The following ZNF34 variants were observed in gnomAD, a reference collection of about 807,000 sequenced individuals.
ZNF34 encodes zinc finger protein 34 (KOX 32).
Under a neutral mutation model 14.4 loss-of-function variants are expected in ZNF34, and 8 were observed. The ratio of observed to expected loss-of-function variants is 0.55; its 90% confidence interval spans 0.33 to 1.00. ZNF34 has a LOEUF of 1.00. Among genes scored for constraint, ZNF34 ranks in the 50% least tolerant of loss-of-function variants. The probability of loss-of-function intolerance (pLI) is 0.03; values close to 1 mark genes in which losing one functional copy is unlikely to be tolerated. For synonymous variants in ZNF34, 235 were observed against 247.9 expected (o/e 0.95, Z 0.49); for missense variants, 538 against 674.2 (o/e 0.80, Z 2.24).
At position 144,778,500 on chromosome 8, in the gene ZNF34, G is replaced by A. The variant is rs1167466109; in HGVS notation, c.-29C>T. On this transcript the variant is annotated 5_prime_UTR_variant, in exon 3 of 6. Transcript: ENST00000429371. ...CTGAGGGTTGGGCTTTCTGAGGGCA[G>A]TGAGCAGGAGCTGGTCACTGAGGAG... The A allele has an allele frequency of 1.9e-6, 3 of 1,587,578 alleles. No homozygotes were observed. The highest frequency in any genetic ancestry group is 2.3e-5 in the South Asian group (2 of 86,590).
At chr8:144,784,288 A>C (rs1826089375) in intron 1 of ZNF34, among the ~76,000 whole-genome samples, 1 of 152,030 alleles carries the variant, frequency 6.6e-6, no homozygotes, top group South Asian at 2.1e-4. Flanking sequence ...TATAGGAAAA[A>C]AGATAATGGA....
At chr8:144,782,999 TAAA>T (rs149988063) in intron 1 of ZNF34, among the ~76,000 whole-genome samples, 1 of 148,896 alleles carries the variant, frequency 6.7e-6, no homozygotes, top group African/African-American at 2.5e-5. Flanking sequence ...TTAAATAGAT[TAAA>T]AAAAAAGAGC....
chr8:144,785,326 C>G (rs377450631), intron 1 of ZNF34: 1 of 152,134 alleles, frequency 6.6e-6, no homozygotes, highest in African/African-American at 2.4e-5. Context: ...CCCAGCTACT[C>G]AGAAGGCTGA....
chr8:144,777,433 T>G lies in ZNF34; in HGVS notation c.280+25A>C. 1.9e-6 allele frequency: 3 copies of G among 1,550,186 alleles called. No individual in the cohort carries two copies. The South Asian group carries it at 3.6e-5, about 18-fold the overall frequency. ...ATAAAGGCTCGTTCGGTGACTTGAGTTGGGGAGCAGATCCCCTCACGCACC... is the reference window on the plus strand; with the variant it reads ...ATAAAGGCTCGTTCGGTGACTTGAGGTGGGGAGCAGATCCCCTCACGCACC... On this transcript the variant is annotated intron_variant, in intron 5 of 5. Coordinates refer to ENST00000429371, the MANE Select transcript of ZNF34 (RefSeq NM_001286769.2). The surrounding 1 kb of genome is among the most constrained non-coding windows in gnomAD (Gnocchi z 4.8).
At chr8:144,786,199 G>A (rs567894582) in intron 1 of ZNF34, among the ~76,000 whole-genome samples, 7 of 151,740 alleles carry the variant, frequency 4.6e-5, no homozygotes, top group Admixed American at 3.9e-4. Context: ...GGTTAGCCAG[G>A]ATGGTCTCGA....
In ZNF34 at chr8:144,773,774, T is replaced by C; in HGVS notation, c.1112A>G (p.Glu371Gly). 6.2e-7 allele frequency: 1 copy of C among 1,614,134 alleles called. No individual in the cohort carries two copies. The highest frequency in any genetic ancestry group is 8.5e-7 in the Non-Finnish European group (1 of 1,179,962). Residue 371 changes from glutamate to glycine, a missense_variant, in exon 6 of 6, where the codon GAG becomes GGG. Coordinates refer to ENST00000429371, the MANE Select transcript of ZNF34 (RefSeq NM_001286769.2). This position sits in a 1 kb window ranked among gnomAD's most constrained non-coding sequence, Gnocchi z 5.4. ...AAAGCCTTTGCCACATTCCTTGCAC[T>C]CAAATGGCTTCTCTCCGGTGTGAGT... is the stretch of plus-strand genomic sequence containing the variant. ...RRTHTGEKPF[E>G]CKECGKGFTQ...
intron 1 of ZNF34, among the ~76,000 whole-genome samples, chr8:144,786,981 C>T (rs1174085875): frequency 1.3e-5 from 2 of 152,174 alleles, no homozygotes; most frequent in African/African-American, 4.8e-5. Context: ...GACGCAGAAG[C>T]CGCTCTGTGC....
chr8:144,782,579 T>TGTAATCCCA (rs1825953061), intron 1 of ZNF34, among the ~76,000 whole-genome samples: 2 of 151,952 alleles, frequency 1.3e-5, no homozygotes, highest in Non-Finnish European at 2.9e-5. Flanking sequence ...GGCTCACGGC[T>TGTAATCCCA]GTAATCCCAG....
In ZNF34 at chr8:144,773,435, C is replaced by T; in HGVS notation, c.1451G>A (p.Cys484Tyr). The T allele has an allele frequency of 3.1e-6, 5 of 1,613,814 alleles. No homozygotes were observed. The highest frequency in any genetic ancestry group is 4.2e-6 in the Non-Finnish European group (5 of 1,179,988). ...GCTGAAGGCTTTCTTGCAATCGCTG[C>T]ATCTGTAGGGTTTCTCTCCGTGGTG... is the stretch of plus-strand genomic sequence containing the variant. ...RLHHGEKPYR[C>Y]SDCKKAFSQS... The change falls in exon 6 of 6, where the codon TGC becomes TAC. Residue 484 changes from cysteine (C) to tyrosine (Y), a missense_variant. Around this residue, in one of 3 missense-constraint regions of ZNF34, gnomAD observed 101 missense variants for 123.1 expected, o/e 0.82. Coordinates refer to ENST00000429371, the MANE Select transcript of ZNF34 (RefSeq NM_001286769.2). This position sits in a 1 kb window ranked among gnomAD's most constrained non-coding sequence, Gnocchi z 5.4.
Position 144,779,039 on chromosome 8 carries a change from A to G in ZNF34, c.-54-514T>C, listed in dbSNP as rs1825708770. ...GGGGGGAAGGCTGCCCTGCCGCTCC[A>G]TAATCTAAGCCAAGGCATAAAAACC... On this transcript the variant is annotated intron_variant, in intron 2 of 5. Transcript: ENST00000429371. This position sits in a 1 kb window ranked among gnomAD's most constrained non-coding sequence, Gnocchi z 4.1. 6.6e-6 allele frequency among the ~76,000 whole-genome samples: 1 copy of G among 152,130 alleles called. No homozygotes were observed. Among genetic ancestry groups the G allele is most frequent in the African/African-American group, 2.4e-5 (1 of 41,442 alleles).
chr8:144,777,092 C>T lies in ZNF34; in HGVS notation c.280+366G>A, dbSNP rs1041471312. 1.3e-5 allele frequency among the ~76,000 whole-genome samples: 2 copies of T among 151,422 alleles called. No individual in the cohort carries two copies. Among genetic ancestry groups the T allele is most frequent in the African/African-American group, 4.8e-5 (2 of 41,304 alleles). Reference sequence around the variant, plus strand: ...AGAAGAGAGGGGAATTAAATGATAGCTCCATCATTAGGCCCTCATTATCTG... The same window carrying T: ...AGAAGAGAGGGGAATTAAATGATAGTTCCATCATTAGGCCCTCATTATCTG... On this transcript the variant is annotated intron_variant, in intron 5 of 5. Transcript: ENST00000429371. This position sits in a 1 kb window ranked among gnomAD's most constrained non-coding sequence, Gnocchi z 4.8.
chr8:144,778,411 C>T (rs749008156), intron 3 of ZNF34, 28 bp downstream of exon 3: 2 of 1,506,886 alleles, frequency 1.3e-6, no homozygotes, highest in East Asian at 2.4e-5. Flanking sequence ...GTAAAAACTT[C>T]ACTCCTCCCA....
At chr8:144,784,414 T>C (rs984252862) in intron 1 of ZNF34, among the ~76,000 whole-genome samples, 14 of 150,870 alleles carry the variant, frequency 9.3e-5, no homozygotes, top group African/African-American at 3.4e-4. Context: ...TCCTGCCTTC[T>C]GTGGTACACA....
At position 144,777,491 on chromosome 8, in the gene ZNF34, AGGT is replaced by A; in HGVS notation, c.244_246del (p.Thr82del). 6.4e-7 allele frequency: 1 copy of A among 1,552,786 alleles called. No homozygotes were observed. The highest frequency in any genetic ancestry group is 1.2e-5 in the South Asian group (1 of 84,070). The stretch of plus-strand genomic sequence containing the variant: ...TTGACTCTCAGGTGCTCTTTCCCAG[AGGT>A]GCCCTGAACATCCAGGACCCAGGGC... On this transcript the variant is annotated inframe_deletion, in exon 5 of 6. Transcript: ENST00000429371. The surrounding 1 kb of genome is among the most constrained non-coding windows in gnomAD (Gnocchi z 4.8).
rs548252812 is a variant in ZNF34 at position 144,782,842 on chromosome 8, C to CAAAAAAAAAAAAAAAAAAAAAAAA, written c.-107-2586_-107-2563dup. On this transcript the variant is annotated intron_variant, in intron 1 of 5. Coordinates refer to ENST00000429371, the MANE Select transcript of ZNF34 (RefSeq NM_001286769.2). Reference sequence around the variant, plus strand: ...ACAGAGACAGAACCAAAGCCTATCTCAAAAAAAAAAAAAAAAAAAAAAAAA... The same window carrying CAAAAAAAAAAAAAAAAAAAAAAAA: ...ACAGAGACAGAACCAAAGCCTATCTCAAAAAAAAAAAAAAAAAAAAAAAAAAAAAAAAAAAAAAAAAAAAAAAAA... Among the ~76,000 whole-genome samples the CAAAAAAAAAAAAAAAAAAAAAAAA allele has an allele frequency of 2.2e-4, 5 of 22,976 alleles. 1 individual carries two copies. Among genetic ancestry groups the CAAAAAAAAAAAAAAAAAAAAAAAA allele is most frequent in the Non-Finnish European group, 2.6e-4 (4 of 15,670 alleles). The allele number at this position is 22,976 out of a possible 152,430, so 15.1% of individuals were successfully genotyped here. A position where few individuals can be genotyped will look rare whatever the true frequency, so the allele number is the denominator to read the frequency against.
At chr8:144,775,429 T>C (rs982059481) in intron 5 of ZNF34, among the ~76,000 whole-genome samples, 2 of 151,672 alleles carry the variant, frequency 1.3e-5, no homozygotes, top group Non-Finnish European at 2.9e-5. Flanking sequence ...TGCACAAGAG[T>C]GTCCACAGCA....
Position 144,774,546 on chromosome 8 carries a change from C to A in ZNF34, c.340G>T (p.Asp114Tyr), listed in dbSNP as rs746117248. The A allele has an allele frequency of 6.2e-7, 1 of 1,613,976 alleles. No individual in the cohort carries two copies. Among genetic ancestry groups the A allele is most frequent in the Non-Finnish European group, 8.5e-7 (1 of 1,179,888 alleles). The change falls in exon 6 of 6, where the codon GAT (aspartate) becomes TAT (tyrosine). Residue 114 changes from aspartate (D) to tyrosine (Y), a missense_variant. Physicochemically the swap from Asp to Tyr is radical, Grantham distance 160 (BLOSUM62 -3). This residue lies in a region of ZNF34 where 431 missense variants were observed against 525.7 expected (regional missense o/e 0.82). Transcript: ENST00000429371. ...TCTACTGGCTCAGATCCCTGGGGAT[C>A]TTCCTCACCAAATGTCTCCTGTGAA... ...LTSQETFGEE[D>Y]PQGSEPVEAC...
At chr8:144,783,106 C>A (rs1000587579) in intron 1 of ZNF34, among the ~76,000 whole-genome samples, 6 of 151,564 alleles carry the variant, frequency 4.0e-5, no homozygotes, top group African/African-American at 1.5e-4. Flanking sequence ...TCAAGCTCAG[C>A]CTGTCTCTAC....
chr8:144,773,387 T>G lies in ZNF34; in HGVS notation c.1499A>C (p.His500Pro), dbSNP rs1825282504. The part of the protein sequence containing the change: ...AFSQSTYLIQ[H>P]RRIHTGEKPY... ...CTTCTCCCCGGTGTGGATCCTCCGG[T>G]GCTGAATCAAGTACGTGCTCTGGCT... The change falls in exon 6 of 6, where the codon CAC becomes CCC. Residue 500 changes from histidine to proline, a missense_variant. By Grantham distance (77) the His-to-Pro change is moderately conservative (BLOSUM62 -2). Coordinates refer to ENST00000429371, the MANE Select transcript of ZNF34 (RefSeq NM_001286769.2). This position sits in a 1 kb window ranked among gnomAD's most constrained non-coding sequence, Gnocchi z 5.4. The G allele has an allele frequency of 5.6e-6, 9 of 1,613,816 alleles. No individual in the cohort carries two copies. Among genetic ancestry groups the G allele is most frequent in the Non-Finnish European group, 7.6e-6 (9 of 1,179,990 alleles).
Sources: gnomAD v4.1 joint callset for allele counts (sites outside exome capture counted in the v4.1 genomes callset) on GRCh38, gnomAD v4.1.1 for gene constraint, gnomAD v4.1.1 regional missense constraint, Gnocchi (gnomAD v3.1) non-coding constraint, MANE v1.5 for transcripts, NCBI Gene and HGNC (gene_info 2026-07-23, HGNC 2026-07-21) for gene names.